The following CMPK1 variants were observed in gnomAD, a reference collection of about 807,000 sequenced individuals.
CMPK1 encodes the protein cytidine/uridine monophosphate kinase 1.
In CMPK1, 10 loss-of-function variants were observed where a neutral mutation model predicts 25.7. The observed-to-expected ratio is 0.39, with a 90% CI of 0.24 to 0.66. CMPK1 has a LOEUF of 0.66. CMPK1 is among the 30% of genes least tolerant of loss of function. The pLI, the probability that CMPK1 is intolerant of heterozygous loss-of-function variation, is 0.48. For synonymous variants in CMPK1, 106 were observed against 101.5 expected (o/e 1.04, Z -0.27); for missense variants, 199 against 280.5 (o/e 0.71, Z 2.08).
chr1:47,360,489 C>T (rs1218972052), intron 1 of CMPK1, among the ~76,000 whole-genome samples: 1 of 152,188 alleles, frequency 6.6e-6, no homozygotes, highest in Non-Finnish European at 1.5e-5. Flanking sequence ...TTCTAACTCA[C>T]TCTTAAGTTT....
intron 1 of CMPK1, among the ~76,000 whole-genome samples, chr1:47,336,202 G>A (rs7532785): frequency 0.98 from 148,636 of 152,250 alleles, 72,652 homozygotes; most frequent in Non-Finnish European, 1. Context: ...TTTTTGTTTA[G>A]TATATGTGAT....
chr1:47,364,237 G>A (rs1256704959), intron 1 of CMPK1, among the ~76,000 whole-genome samples: 1 of 152,120 alleles, frequency 6.6e-6, no homozygotes, highest in African/African-American at 2.4e-5. Context: ...CTTAGTCTTC[G>A]ATGCTTCATA....
intron 1 of CMPK1, among the ~76,000 whole-genome samples, chr1:47,343,652 G>C (rs1056419900): frequency 1.3e-5 from 2 of 152,094 alleles, no homozygotes; most frequent in Non-Finnish European, 2.9e-5. Context: ...AGTGGCTCAT[G>C]CCTGTAATCC....
chr1:47,337,036 G>T (rs758957784), intron 1 of CMPK1, among the ~76,000 whole-genome samples: 1 of 152,190 alleles, frequency 6.6e-6, no homozygotes, highest in African/African-American at 2.4e-5. Context: ...TGTAATCCCA[G>T]CAGTTTGGGA....
Position 47,376,847 on chromosome 1 carries a change from C to A in CMPK1, c.*102C>A. 1.5e-6 allele frequency: 1 copy of A among 645,290 alleles called. No individual in the cohort carries two copies. Among genetic ancestry groups the A allele is most frequent in the Non-Finnish European group, 2.7e-6 (1 of 364,204 alleles). The allele number at this position is 645,290 out of a possible 1,614,324, so 40.0% of individuals were successfully genotyped here. On this transcript the variant is annotated 3_prime_UTR_variant, in exon 6 of 6. Transcript: ENST00000371873. ...CAATTCTAATCTTTCATAACTACAT[C>A]TCAATTAGTGGCTGGAAAGTACATG...
chr1:47,354,599 C>CTTTTTT lies in CMPK1; in HGVS notation c.172-13856_172-13851dup, dbSNP rs34592236. Reference sequence around the variant, plus strand: ...ATAGTGCTTATTGTTTTGTGACTTGCTTTTTTTTTTTTTTTTTTTGCTTAG... The same window carrying CTTTTTT: ...ATAGTGCTTATTGTTTTGTGACTTGCTTTTTTTTTTTTTTTTTTTTTTTTTGCTTAG... On this transcript the variant is annotated intron_variant, in intron 1 of 5. Coordinates refer to ENST00000371873, the MANE Select transcript of CMPK1 (RefSeq NM_016308.3). Among the ~76,000 whole-genome samples the CTTTTTT allele has an allele frequency of 5.5e-3, 583 of 105,436 alleles. 2 individuals carry two copies. Among genetic ancestry groups the CTTTTTT allele is most frequent in the East Asian group, 0.012 (39 of 3,156 alleles). 69.2% of individuals were successfully genotyped at this position (105,436 alleles called of 152,430 possible). A position where few individuals can be genotyped will look rare whatever the true frequency, so the allele number is the denominator to read the frequency against.
chr1:47,353,936 C>T (rs570438114), intron 1 of CMPK1, among the ~76,000 whole-genome samples: 36 of 152,200 alleles, frequency 2.4e-4, no homozygotes, highest in African/African-American at 8.4e-4. Flanking sequence ...AGGCTGGGCT[C>T]GAATTCCTGA....
At chr1:47,343,227 T>G (rs1646454855) in intron 1 of CMPK1, among the ~76,000 whole-genome samples, 1 of 151,680 alleles carries the variant, frequency 6.6e-6, no homozygotes, top group African/African-American at 2.4e-5. Flanking sequence ...CCTCAAGTGA[T>G]CCACCTGCCT....
chr1:47,360,587 A>G (rs1365265477), intron 1 of CMPK1, among the ~76,000 whole-genome samples: 1 of 152,234 alleles, frequency 6.6e-6, no homozygotes, highest in African/African-American at 2.4e-5. Context: ...TAAAGACTTT[A>G]AGTTATGCAA....
At chr1:47,339,047 C>CTTTTT (rs397965092) in intron 1 of CMPK1, among the ~76,000 whole-genome samples, 2 of 142,870 alleles carry the variant, frequency 1.4e-5, no homozygotes, top group African/African-American at 5.2e-5. Flanking sequence ...ACCCAGAAAA[C>CTTTTT]TTTTTTTTTT....
At chr1:47,370,861 G>T (rs911122872) in intron 2 of CMPK1, among the ~76,000 whole-genome samples, 1 of 151,798 alleles carries the variant, frequency 6.6e-6, no homozygotes, top group Non-Finnish European at 1.5e-5. Flanking sequence ...TGAGGCAGGA[G>T]AATTGCTTGA....
chr1:47,349,014 T>G (rs1159143477), intron 1 of CMPK1, among the ~76,000 whole-genome samples: 1 of 152,124 alleles, frequency 6.6e-6, no homozygotes, highest in African/African-American at 2.4e-5. Context: ...GTGGAAATGG[T>G]AATGTTTCAG....
chr1:47,334,904 A>T (rs1056487703), intron 1 of CMPK1, among the ~76,000 whole-genome samples: 1 of 151,954 alleles, frequency 6.6e-6, no homozygotes, highest in African/African-American at 2.4e-5. Context: ...GATATAAAAC[A>T]CCTCCCAAAT....
chr1:47,357,588 G>A (rs1433745553), intron 1 of CMPK1, among the ~76,000 whole-genome samples: 11 of 150,406 alleles, frequency 7.3e-5, no homozygotes, highest in South Asian at 2.1e-4. Context: ...GGGTTCAAGC[G>A]ATTCTTCTGC....
chr1:47,371,670 G>GCT (rs1331705194), intron 2 of CMPK1, among the ~76,000 whole-genome samples: 5 of 152,072 alleles, frequency 3.3e-5, no homozygotes, highest in African/African-American at 1.2e-4. Flanking sequence ...GTCTTATTCA[G>GCT]CTCTCATTTC....
intron 1 of CMPK1, among the ~76,000 whole-genome samples, chr1:47,352,226 A>T (rs1207783188): frequency 6.6e-6 from 1 of 152,200 alleles, no homozygotes; most frequent in Non-Finnish European, 1.5e-5. Flanking sequence ...TATTTCAAAG[A>T]TAAGCCCCTA....
chr1:47,350,279 C>A (rs376264247), intron 1 of CMPK1, among the ~76,000 whole-genome samples: 1 of 152,052 alleles, frequency 6.6e-6, no homozygotes, highest in Non-Finnish European at 1.5e-5. Flanking sequence ...GCGCTGTCAC[C>A]AGGCTGGAGT....
At chr1:47,350,612 A>T (rs1646516027) in intron 1 of CMPK1, among the ~76,000 whole-genome samples, 1 of 152,132 alleles carries the variant, frequency 6.6e-6, no homozygotes, top group African/African-American at 2.4e-5. Context: ...TGGAAAATAC[A>T]GGCCAGGTGC....
intron 1 of CMPK1, chr1:47,358,531 A>T (rs1417582620): frequency 2.0e-6 from 2 of 1,006,876 alleles, no homozygotes; most frequent in Non-Finnish European, 1.2e-6. Flanking sequence ...GGTAGCATAC[A>T]TATTATTTCT....
Sources: gnomAD v4.1 joint callset for allele counts (sites outside exome capture counted in the v4.1 genomes callset) on GRCh38, gnomAD v4.1.1 for gene constraint, MANE v1.5 for transcripts, NCBI Gene and HGNC (gene_info 2026-07-23, HGNC 2026-07-21) for gene names.